Variants in ZNF486 observed in about 807,000 individuals in gnomAD.
ZNF486 encodes zinc finger protein 486, also known as KRAB box only protein 2.
Under a neutral mutation model 12.8 loss-of-function variants are expected in ZNF486, and 12 were observed. The observed-to-expected ratio is 0.94, with a 90% CI of 0.60 to 1.52. ZNF486 has a LOEUF of 1.52. Among genes scored for constraint, ZNF486 ranks in the 40% most tolerant of loss-of-function variants. The pLI, the probability that ZNF486 is intolerant of heterozygous loss-of-function variation, is 0.00. For missense variants in ZNF486, 738 were observed against 545.0 expected, an observed-to-expected ratio of 1.35 and a Z score of -3.53; for synonymous variants, 231 against 184.9, an observed-to-expected ratio of 1.25 and a Z score of -2.02.
intron 1 of ZNF486, among the ~76,000 whole-genome samples, chr19:20,169,029 C>T (rs2089616293): frequency 6.6e-6 from 1 of 150,482 alleles, no homozygotes; most frequent in East Asian, 2.0e-4. Flanking sequence ...TTAGCAGAGA[C>T]GGGGTTTCAC....
intron 3 of ZNF486, among the ~76,000 whole-genome samples, chr19:20,190,460 C>T (rs782000051): frequency 3.9e-5 from 6 of 152,208 alleles, no homozygotes; most frequent in Non-Finnish European, 8.8e-5. Context: ...TTTTGGCTCA[C>T]TATAGCCTCA....
At chr19:20,194,050 CAG>C in intron 3 of ZNF486, among the ~76,000 whole-genome samples, 1 of 151,150 alleles carries the variant, frequency 6.6e-6, no homozygotes, top group East Asian at 1.9e-4. Context: ...TATTTATTAA[CAG>C]ATGTTAACAA....
At chr19:20,190,832 T>C (rs2089894872) in intron 3 of ZNF486, among the ~76,000 whole-genome samples, 1 of 152,240 alleles carries the variant, frequency 6.6e-6, no homozygotes. Context: ...GTTTCCATGT[T>C]CATGTTCTCC....
At chr19:20,167,843 AG>A (rs1244718439) in intron 1 of ZNF486, among the ~76,000 whole-genome samples, 1 of 150,838 alleles carries the variant, frequency 6.6e-6, no homozygotes, top group Non-Finnish European at 1.5e-5. Context: ...AAGGGTTGCT[AG>A]GACAACTAAA....
At chr19:20,181,916 A>T (rs1405474479) in intron 1 of ZNF486, among the ~76,000 whole-genome samples, 2 of 152,226 alleles carry the variant, frequency 1.3e-5, no homozygotes, top group African/African-American at 4.8e-5. Flanking sequence ...AGAATGTGCT[A>T]TGCCCAGCAC....
intron 2 of ZNF486, among the ~76,000 whole-genome samples, 187 bp from the exon 3 acceptor site, chr19:20,185,800 T>TA (rs2089836707): frequency 7.3e-6 from 1 of 137,318 alleles, no homozygotes. Flanking sequence ...TTACTCCATC[T>TA]CCAAAAAAAA....
chr19:20,167,744 T>C (rs2089600532), intron 1 of ZNF486, among the ~76,000 whole-genome samples: 1 of 152,082 alleles, frequency 6.6e-6, no homozygotes, highest in African/African-American at 2.4e-5. Flanking sequence ...CTCTTTTCTT[T>C]TGTTAAAAAT....
Position 20,196,944 on chromosome 19 carries a change from G to T in ZNF486, c.254-20G>T. 1 of 1,525,066 alleles carries T rather than the reference G, an allele frequency of 6.6e-7. No individual in the cohort carries two copies. Among genetic ancestry groups the T allele is most frequent in the Non-Finnish European group, 8.8e-7 (1 of 1,141,812 alleles). 94.5% of individuals were successfully genotyped at this position (1,525,066 alleles called of 1,614,324 possible). ...CTGAGTCTAGCAATTGAAGTAATGT[G>T]TTTTTATTGTTTCTTTCAGTTGTGT... On this transcript the variant is annotated intron_variant, in intron 3 of 3. Coordinates refer to ENST00000335117, the MANE Select transcript of ZNF486 (RefSeq NM_052852.4).
At chr19:20,179,722 GAT>G (rs1343673658) in intron 1 of ZNF486, among the ~76,000 whole-genome samples, 1 of 152,166 alleles carries the variant, frequency 6.6e-6, no homozygotes, top group Non-Finnish European at 1.5e-5. Context: ...TGTCAAGATA[GAT>G]ATCTTACAGG....
At chr19:20,179,408 A>C (rs1555715241) in intron 1 of ZNF486, among the ~76,000 whole-genome samples, 1 of 151,684 alleles carries the variant, frequency 6.6e-6, no homozygotes, top group East Asian at 1.9e-4. Flanking sequence ...AGGCAACTTG[A>C]ATCTTTGCTC....
chr19:20,169,238 T>G (rs781911665), intron 1 of ZNF486, among the ~76,000 whole-genome samples: 3 of 151,844 alleles, frequency 2.0e-5, no homozygotes, highest in South Asian at 2.1e-4. Context: ...CCTCAGCCTC[T>G]GGAGTTACTG....
At chr19:20,180,472 T>C (rs2089772652) in intron 1 of ZNF486, among the ~76,000 whole-genome samples, 1 of 152,240 alleles carries the variant, frequency 6.6e-6, no homozygotes, top group Non-Finnish European at 1.5e-5. Flanking sequence ...TGGCACAATA[T>C]ATAGATGTGT....
intron 3 of ZNF486, among the ~76,000 whole-genome samples, chr19:20,192,479 T>G: frequency 6.6e-6 from 1 of 152,086 alleles, no homozygotes. Context: ...CTAATTTTTT[T>G]GTATTTTAGG....
At chr19:20,190,544 C>A (rs1277371666) in intron 3 of ZNF486, among the ~76,000 whole-genome samples, 10 of 152,148 alleles carry the variant, frequency 6.6e-5, no homozygotes, top group Admixed American at 3.9e-4. Context: ...ACTACCATGT[C>A]TGCCTAATTG....
intron 1 of ZNF486, among the ~76,000 whole-genome samples, chr19:20,173,475 T>A (rs1193298607): frequency 1.3e-5 from 2 of 152,068 alleles, no homozygotes; most frequent in Non-Finnish European, 2.9e-5. Flanking sequence ...CCCACTAACG[T>A]TCTTTCAAGC....
rs192822276 is a variant in ZNF486, at chr19:20,188,293, A to G, written c.253+2211A>G. 865 of 394,816 alleles carry G rather than the reference A, an allele frequency of 2.2e-3. 6 individuals carry two copies. In the Middle Eastern group the frequency reaches 0.023, roughly 10 times the overall value. The allele number at this position is 394,816 out of a possible 1,614,324, so 24.5% of individuals were successfully genotyped here. On this transcript the variant is annotated intron_variant, in intron 3 of 3. Coordinates refer to ENST00000335117, the MANE Select transcript of ZNF486 (RefSeq NM_052852.4). Reference sequence around the variant, plus strand: ...CTTGTTTGATTTGAAGGTAATTTTCAAAAAGATTTATAATTCTGGATTTTT... The same window carrying G: ...CTTGTTTGATTTGAAGGTAATTTTCGAAAAGATTTATAATTCTGGATTTTT...
intron 2 of ZNF486, among the ~76,000 whole-genome samples, chr19:20,184,726 T>C (rs2089823893): frequency 1.3e-5 from 2 of 152,154 alleles, no homozygotes; most frequent in South Asian, 4.1e-4. Context: ...ATTTCAGAAA[T>C]TTAGTGGCAT....
intron 1 of ZNF486, among the ~76,000 whole-genome samples, chr19:20,180,325 C>A (rs2089770680): frequency 6.6e-6 from 1 of 152,044 alleles, no homozygotes; most frequent in Admixed American, 6.6e-5. Flanking sequence ...GATCTGGAGA[C>A]CCAAATAGAT....
In ZNF486 at chr19:20,197,414, A is replaced by C; in HGVS notation, c.704A>C (p.Glu235Ala). The C allele has an allele frequency of 6.2e-7, 1 of 1,613,258 alleles. No individual in the cohort carries two copies. Residue 235 changes from glutamate (E) to alanine (A), a missense_variant, in exon 4 of 4, where the codon GAG becomes GCG. By Grantham distance (107) the Glu-to-Ala change is moderately radical. Transcript: ENST00000335117. ...LTTHKITHTR[E>A]KPYKCEECGK... ...ACACATAAGATAACTCATACTAGAG[A>C]GAAACCCTACAAATGTGAAGAATGT...
Sources: allele counts gnomAD v4.1 joint callset (sites outside exome capture counted in the v4.1 genomes callset), GRCh38; gene constraint gnomAD v4.1.1; transcripts MANE v1.5; gene names NCBI Gene and HGNC (gene_info 2026-07-23, HGNC 2026-07-21).